Variants in TSBP1 observed in about 807,000 individuals in gnomAD.
TSBP1 encodes testis-expressed basic protein 1.
Under a neutral mutation model 68.8 loss-of-function variants are expected in TSBP1, and 56 were observed. The observed-to-expected ratio is 0.81, with a 90% CI of 0.66 to 1.02. TSBP1 has a LOEUF of 1.02. Ranked by LOEUF, TSBP1 falls within the 50% of genes least tolerant of loss-of-function variation. The pLI is 0.00. For synonymous variants in TSBP1, 171 were observed against 208.7 expected (o/e 0.82, Z 1.56); for missense variants, 502 against 641.2 (o/e 0.78, Z 2.34).
chr6:32,293,187 T>G, exon 23 of TSBP1: 1 of 1,611,322 alleles, frequency 6.2e-7, no homozygotes, highest in East Asian at 2.2e-5. Flanking sequence ...TTATTTCCTT[T>G]ATCCTCAAAA....
rs964285455 is a variant in TSBP1, at chr6:32,337,013, C to G, written c.410-378G>C. On this transcript the variant is annotated intron_variant, in intron 11 of 22. Transcript: ENST00000612031. This position sits in a 1 kb window ranked among gnomAD's most constrained non-coding sequence, Gnocchi z 5.5. ...TAAGAAGTATGAGTGAGAAATCCTGCAGGGGTAGAAATGGTAACAGTTAGG... is the reference window on the plus strand; with the variant it reads ...TAAGAAGTATGAGTGAGAAATCCTGGAGGGGTAGAAATGGTAACAGTTAGG... 3.3e-5 allele frequency among the ~76,000 whole-genome samples: 5 copies of G among 152,020 alleles called. No homozygotes were observed. Among genetic ancestry groups the G allele is most frequent in the Non-Finnish European group, 4.4e-5 (3 of 68,004 alleles).
intron 2 of TSBP1, among the ~76,000 whole-genome samples, chr6:32,369,667 C>CCTAT (rs5875363): frequency 0.14 from 21,265 of 152,094 alleles, 1,658 homozygotes; most frequent in Non-Finnish European, 0.17. Context: ...CCGCTCCCGG[C>CCTAT]CTGTGACTTT....
chr6:32,297,397 A>T (rs1444694241), intron 22 of TSBP1, among the ~76,000 whole-genome samples: 1 of 152,214 alleles, frequency 6.6e-6, no homozygotes, highest in East Asian at 1.9e-4. Context: ...TTTAAATTGG[A>T]TTAATTTTTG....
rs1773749844 is a variant in TSBP1, at chr6:32,366,568, C to T, written c.167-266G>A. ...CACGAGGTCAGGAGATCGAGACCAT[C>T]CTGGCTAACACGGTGAAACCCCGTC... On this transcript the variant is annotated intron_variant, in intron 4 of 22. Coordinates refer to ENST00000612031, the Ensembl canonical transcript of TSBP1. 3 of 432,364 alleles carry T rather than the reference C, an allele frequency of 6.9e-6. No individual in the cohort carries two copies. In the Admixed American group the frequency reaches 1.1e-4, roughly 16 times the overall value. The allele number at this position is 432,364 out of a possible 1,614,324, so 26.8% of individuals were successfully genotyped here.
intron 19 of TSBP1, among the ~76,000 whole-genome samples, chr6:32,303,098 C>T (rs9268163): frequency 0.21 from 31,991 of 152,078 alleles, 3,548 homozygotes; most frequent in East Asian, 0.22. Flanking sequence ...TACTTGCTAT[C>T]TTGCTTTTCC....
chr6:32,358,492 G>A (rs1021109591), intron 6 of TSBP1, among the ~76,000 whole-genome samples: 9 of 151,962 alleles, frequency 5.9e-5, no homozygotes, highest in African/African-American at 1.9e-4. Context: ...GTATACATGT[G>A]CCATGTTGGT....
intron 16 of TSBP1, among the ~76,000 whole-genome samples, chr6:32,326,671 C>G (rs1450066633): frequency 6.6e-6 from 1 of 152,196 alleles, no homozygotes; most frequent in African/African-American, 2.4e-5. Flanking sequence ...GATCCTGTAG[C>G]TGAAAAACAA....
chr6:32,363,362 T>C (rs1426159357), intron 6 of TSBP1, among the ~76,000 whole-genome samples: 1 of 152,098 alleles, frequency 6.6e-6, no homozygotes, highest in Non-Finnish European at 1.5e-5. Context: ...TTTAATCCAT[T>C]TACGTTCAAG....
chr6:32,345,745 A>G (rs1156513065), intron 9 of TSBP1, among the ~76,000 whole-genome samples: 1 of 152,156 alleles, frequency 6.6e-6, no homozygotes, highest in Non-Finnish European at 1.5e-5. Context: ...CGCTAGTTCA[A>G]GATTTTCAAG....
intron 19 of TSBP1, among the ~76,000 whole-genome samples, chr6:32,309,287 C>CT (rs1303115126): frequency 1.3e-5 from 2 of 151,906 alleles, no homozygotes; most frequent in African/African-American, 2.4e-5. Context: ...TCTTCCTTCT[C>CT]TTTTTTTTCT....
chr6:32,296,204 G>A lies in TSBP1; in HGVS notation c.638-2169C>T, dbSNP rs1009063228. 2.0e-5 allele frequency among the ~76,000 whole-genome samples: 3 copies of A among 152,060 alleles called. No individual in the cohort carries two copies. The South Asian group carries it at 6.2e-4, about 31-fold the overall frequency. ...TTGGACTTTTCGTTTTTTACATTTA[G>A]GGTTTGATGTTTGAAAAATTGGCAT... On this transcript the variant is annotated intron_variant, in intron 22 of 22. Transcript: ENST00000612031.
At chr6:32,311,781 G>T (rs1562081681) in intron 19 of TSBP1, among the ~76,000 whole-genome samples, 1 of 152,138 alleles carries the variant, frequency 6.6e-6, no homozygotes, top group African/African-American at 2.4e-5. Context: ...CAGTGATTGG[G>T]GGTATCTGTG....
exon 1 of TSBP1, chr6:32,371,701 T>G: frequency 6.2e-7 from 1 of 1,612,738 alleles, no homozygotes; most frequent in East Asian, 2.2e-5. Flanking sequence ...TACCCAAGAC[T>G]GTCATTTTCC....
rs1001617672 is a variant in TSBP1 at position 32,306,590 on chromosome 6, T to C, written c.581-3961A>G. Reference sequence around the variant, plus strand: ...CTTACATTTATGTGTATCAATATTGTAAAAATCAGCACTAAAATTGTTTCC... The same window carrying C: ...CTTACATTTATGTGTATCAATATTGCAAAAATCAGCACTAAAATTGTTTCC... On this transcript the variant is annotated intron_variant, in intron 19 of 22. Coordinates refer to ENST00000612031, the Ensembl canonical transcript of TSBP1. This position sits in a 1 kb window ranked among gnomAD's most constrained non-coding sequence, Gnocchi z 5.1. Among the ~76,000 whole-genome samples, 6 of 152,226 alleles carry C rather than the reference T, an allele frequency of 3.9e-5. No homozygotes were observed. Among genetic ancestry groups the C allele is most frequent in the Non-Finnish European group, 5.9e-5 (4 of 68,030 alleles).
rs182781864 is a variant in TSBP1 at position 32,308,889 on chromosome 6, G to A, written c.581-6260C>T. On this transcript the variant is annotated intron_variant, in intron 19 of 22. Transcript: ENST00000612031. ...AAGGTTTTTTTCCCTAATGCTTTAGGTCTACTCATTTTAAAGCACACTAAT... is the reference window on the plus strand; with the variant it reads ...AAGGTTTTTTTCCCTAATGCTTTAGATCTACTCATTTTAAAGCACACTAAT... Among the ~76,000 whole-genome samples, 190 of 149,504 alleles carry A rather than the reference G, an allele frequency of 1.3e-3. 2 individuals are homozygous for A. Among genetic ancestry groups the A allele is most frequent in the African/African-American group, 4.5e-3 (184 of 40,710 alleles).
intron 14 of TSBP1, among the ~76,000 whole-genome samples, chr6:32,334,734 A>C (rs1769443073): frequency 6.6e-6 from 1 of 152,184 alleles, no homozygotes; most frequent in Admixed American, 6.5e-5. Context: ...TTTTCAGGGC[A>C]ATTAGAAAGG....
At chr6:32,318,609 T>A (rs1767234651) in intron 18 of TSBP1, among the ~76,000 whole-genome samples, 2 of 152,232 alleles carry the variant, frequency 1.3e-5, no homozygotes, top group Non-Finnish European at 2.9e-5. Flanking sequence ...TGGATGAACC[T>A]GGTGAACCTT....
rs931573097 is a variant in TSBP1 at position 32,336,820 on chromosome 6, T to G, written c.410-185A>C. Among the ~76,000 whole-genome samples, 1 of 152,190 alleles carries G rather than the reference T, an allele frequency of 6.6e-6. No homozygotes were observed. Among genetic ancestry groups the G allele is most frequent in the Non-Finnish European group, 1.5e-5 (1 of 68,030 alleles). On this transcript the variant is annotated intron_variant, in intron 11 of 22. Coordinates refer to ENST00000612031, the Ensembl canonical transcript of TSBP1. The surrounding 1 kb of genome is among the most constrained non-coding windows in gnomAD (Gnocchi z 5.2). ...AGATCAAATCATTCAGCATCCATCT[T>G]AAATGAGAAATTTAAGTAACTAAAA...
At chr6:32,342,530 G>A (rs1350391651) in intron 9 of TSBP1, among the ~76,000 whole-genome samples, 1 of 152,158 alleles carries the variant, frequency 6.6e-6, no homozygotes, top group Admixed American at 6.5e-5. Context: ...AAATTTTAAT[G>A]AGAGATTAAA....
Sources: allele counts gnomAD v4.1 joint callset (sites outside exome capture counted in the v4.1 genomes callset), GRCh38; gene constraint gnomAD v4.1.1; non-coding constraint Gnocchi (gnomAD v3.1); transcripts MANE v1.5; gene names NCBI Gene and HGNC (gene_info 2026-07-23, HGNC 2026-07-21).